DLG2: variants seen among roughly 807,000 people sequenced by gnomAD.
DLG2 encodes disks large homolog 2.
In DLG2, 45 loss-of-function variants were observed where a neutral mutation model predicts 132.5. The observed-to-expected ratio is 0.34, with a 90% CI of 0.27 to 0.44. DLG2 has a LOEUF of 0.44. Among genes scored for constraint, DLG2 ranks in the 20% least tolerant of loss-of-function variants. DLG2 has a pLI of 1.00. For synonymous variants in DLG2, 424 were observed against 419.6 expected (o/e 1.01, Z -0.13); for missense variants, 1,045 against 1,196.9 (o/e 0.87, Z 1.87).
intron 18 of DLG2, among the ~76,000 whole-genome samples, chr11:83,709,876 GCAGATACAGC>G (rs2084981646): frequency 6.6e-6 from 1 of 152,164 alleles, no homozygotes; most frequent in Non-Finnish European, 1.5e-5. Flanking sequence ...CATTGAAAGG[GCAGATACAGC>G]CTCTAAAAAT....
intron 6 of DLG2, among the ~76,000 whole-genome samples, chr11:85,030,858 T>A (rs1297240692): frequency 1.3e-5 from 2 of 152,090 alleles, no homozygotes; most frequent in African/African-American, 2.4e-5. Flanking sequence ...ACAATTTTAT[T>A]TTCGATTTTT....
chr11:84,600,745 G>T (rs1044084150), intron 6 of DLG2, among the ~76,000 whole-genome samples: 1 of 151,812 alleles, frequency 6.6e-6, no homozygotes, highest in Non-Finnish European at 1.5e-5. Flanking sequence ...AGCATTTTTG[G>T]GTATTTCTTG....
At chr11:85,309,610 C>G (rs2080187839) in intron 3 of DLG2, among the ~76,000 whole-genome samples, 1 of 152,080 alleles carries the variant, frequency 6.6e-6, no homozygotes, top group South Asian at 2.1e-4. Context: ...CCTTCATAGC[C>G]TGCTTATGTC....
At chr11:84,175,212 C>T (rs1255031644) in intron 8 of DLG2, among the ~76,000 whole-genome samples, 3 of 152,106 alleles carry the variant, frequency 2.0e-5, no homozygotes, top group Admixed American at 1.3e-4. Context: ...CAGAGCACCT[C>T]TCTTACTATA....
intron 6 of DLG2, among the ~76,000 whole-genome samples, chr11:84,619,583 A>AG (rs2099610383): frequency 6.6e-6 from 1 of 151,608 alleles, no homozygotes; most frequent in African/African-American, 2.4e-5. Flanking sequence ...TGCTTGAACT[A>AG]GCACACCCCA....
At chr11:84,211,876 A>G (rs1409766694) in intron 8 of DLG2, among the ~76,000 whole-genome samples, 1 of 152,216 alleles carries the variant, frequency 6.6e-6, no homozygotes, top group Admixed American at 6.5e-5. Context: ...AAATTAGAGT[A>G]GATGGCTCCA....
intron 6 of DLG2, chr11:84,890,655 GA>G: frequency 6.6e-6 from 1 of 152,132 alleles, no homozygotes; most frequent in Non-Finnish European, 1.5e-5. Context: ...TCATTCATAG[GA>G]AAAGGCAATG....
intron 4 of DLG2, among the ~76,000 whole-genome samples, chr11:85,155,396 C>T (rs2077523543): frequency 6.6e-6 from 1 of 152,160 alleles, no homozygotes; most frequent in Non-Finnish European, 1.5e-5. Context: ...AAGTAGGATA[C>T]AATCTTAGAC....
intron 6 of DLG2, among the ~76,000 whole-genome samples, chr11:84,564,526 T>C (rs967104360): frequency 6.6e-6 from 1 of 152,182 alleles, no homozygotes; most frequent in Non-Finnish European, 1.5e-5. Context: ...TGAATAAGCA[T>C]AAAATATCGC....
intron 19 of DLG2, among the ~76,000 whole-genome samples, chr11:83,601,436 C>A (rs899840992): frequency 6.6e-6 from 1 of 151,800 alleles, no homozygotes; most frequent in Admixed American, 6.6e-5. Flanking sequence ...GTTTGAACCA[C>A]CTGTTAGCTT....
chr11:84,272,443 T>C (rs776998603), intron 7 of DLG2: 1 of 241,570 alleles, frequency 4.1e-6, no homozygotes, highest in Non-Finnish European at 8.6e-6. Context: ...TCAAAGTAGA[T>C]CTAATGAAAA....
At chr11:84,336,549 T>A (rs1263894512) in intron 7 of DLG2, among the ~76,000 whole-genome samples, 2 of 152,218 alleles carry the variant, frequency 1.3e-5, no homozygotes, top group Non-Finnish European at 2.9e-5. Context: ...CAGAGCCTCA[T>A]GCTAGTCACA....
At chr11:85,347,967 CTTTTTTTT>C (rs35083224) in intron 3 of DLG2, among the ~76,000 whole-genome samples, 3 of 40,400 alleles carry the variant, frequency 7.4e-5, no homozygotes, top group South Asian at 9.6e-4. Flanking sequence ...CCACACTTAA[CTTTTTTTT>C]TTTTTTTTTT....
At chr11:85,048,205 A>C (rs1486089424) in intron 6 of DLG2, among the ~76,000 whole-genome samples, 1 of 151,996 alleles carries the variant, frequency 6.6e-6, no homozygotes, top group Non-Finnish European at 1.5e-5. Flanking sequence ...ACTAGATTTC[A>C]AGATTAATGA....
intron 3 of DLG2, among the ~76,000 whole-genome samples, chr11:85,555,456 A>G (rs565619146): frequency 1.3e-5 from 2 of 152,046 alleles, no homozygotes; most frequent in East Asian, 3.9e-4. Flanking sequence ...ACCCCAACAT[A>G]TAGTGCTTTG....
intron 18 of DLG2, among the ~76,000 whole-genome samples, chr11:83,728,025 T>G (rs2153695738): frequency 6.6e-6 from 1 of 152,316 alleles, no homozygotes; most frequent in South Asian, 2.1e-4. Context: ...AACTAGAATC[T>G]TCAGCCTCAA....
intron 21 of DLG2, among the ~76,000 whole-genome samples, chr11:83,525,073 C>T (rs1012482313): frequency 6.6e-6 from 1 of 152,190 alleles, no homozygotes; most frequent in Non-Finnish European, 1.5e-5. Flanking sequence ...CACGCCATTC[C>T]ACAGAATAGC....
intron 6 of DLG2, chr11:84,800,731 C>T (rs779425383): frequency 6.6e-6 from 1 of 152,274 alleles, no homozygotes; most frequent in East Asian, 1.9e-4. Context: ...GTTTCCTTCT[C>T]TTTTCTCTAG....
intron 4 of DLG2, among the ~76,000 whole-genome samples, chr11:85,263,958 G>T (rs974550632): frequency 2.0e-5 from 3 of 152,214 alleles, no homozygotes; most frequent in African/African-American, 7.2e-5. Context: ...CAGAGAAGGG[G>T]CTGTCTGCAA....
Sources: allele counts gnomAD v4.1 joint callset (sites outside exome capture counted in the v4.1 genomes callset), GRCh38; gene constraint gnomAD v4.1.1; transcripts MANE v1.5; gene names NCBI Gene and HGNC (gene_info 2026-07-23, HGNC 2026-07-21).